The following JADE1 variants were observed in gnomAD, a reference collection of about 807,000 sequenced individuals.
The protein encoded by JADE1 is jade family PHD finger 1, also known as protein Jade-1.
JADE1 carries 14 observed loss-of-function variants against 81.8 expected under a neutral mutation model. That is an observed-to-expected ratio of 0.17 (90% CI 0.11 to 0.27). The LOEUF (loss-of-function observed/expected upper bound fraction) is 0.27, where lower values mean the gene tolerates loss of function less well. JADE1 is among the 10% of genes least tolerant of loss of function. The pLI, the probability that JADE1 is intolerant of heterozygous loss-of-function variation, is 1.00. For synonymous variants in JADE1, 353 were observed against 391.9 expected (o/e 0.90, Z 1.17); for missense variants, 690 against 1,047.9 (o/e 0.66, Z 4.71).
intron 9 of JADE1, chr4:128,864,398 G>T (rs1259125538): frequency 2.1e-6 from 2 of 956,286 alleles, no homozygotes; most frequent in Non-Finnish European, 2.5e-6. Flanking sequence ...TACCTGTCTT[G>T]GCCTCCCAGA....
chr4:128,860,802 C>G (rs1261722643), intron 8 of JADE1, among the ~76,000 whole-genome samples: 1 of 152,178 alleles, frequency 6.6e-6, no homozygotes, highest in African/African-American at 2.4e-5. Context: ...CTGGCCTCTA[C>G]GTTGACCTCC....
chr4:128,831,948 C>A, intron 2 of JADE1, 138 bp downstream of exon 2: 1 of 761,416 alleles, frequency 1.3e-6, no homozygotes, highest in Non-Finnish European at 2.3e-6. Flanking sequence ...CCTGGAGAAA[C>A]GTACCTGAGT....
intron 1 of JADE1, among the ~76,000 whole-genome samples, chr4:128,816,842 T>G (rs1258041210): frequency 1.3e-5 from 2 of 152,172 alleles, no homozygotes; most frequent in African/African-American, 2.4e-5. Context: ...TAGATTTTTT[T>G]GGGCTTACTT....
intron 9 of JADE1, chr4:128,864,183 T>G: frequency 2.1e-6 from 2 of 933,104 alleles, no homozygotes; most frequent in Non-Finnish European, 2.6e-6. Context: ...AGTCTCACTT[T>G]GTTGCCCAGG....
At chr4:128,819,619 G>T (rs1468134195) in intron 1 of JADE1, among the ~76,000 whole-genome samples, 1 of 152,186 alleles carries the variant, frequency 6.6e-6, no homozygotes, top group Non-Finnish European at 1.5e-5. Context: ...TACTCCTGTG[G>T]TAGTGTTTAA....
intron 7 of JADE1, 76 bp downstream of exon 7, chr4:128,855,873 C>T: frequency 7.5e-7 from 1 of 1,339,316 alleles, no homozygotes; most frequent in Non-Finnish European, 1.0e-6. Context: ...GGCTGGAGTG[C>T]AGTGAGCTGG....
chr4:128,812,250 C>G (rs1004818698), intron 1 of JADE1, among the ~76,000 whole-genome samples: 4 of 151,964 alleles, frequency 2.6e-5, no homozygotes, highest in African/African-American at 9.7e-5. Flanking sequence ...GGCGGAGGTG[C>G]CGGGAGTTAC....
At chr4:128,820,335 C>T (rs772509312) in intron 1 of JADE1, among the ~76,000 whole-genome samples, 70 of 152,160 alleles carry the variant, frequency 4.6e-4, no homozygotes, top group Admixed American at 1.6e-3. Flanking sequence ...TGGTCTTGAA[C>T]TCCTGACCTC....
intron 3 of JADE1, among the ~76,000 whole-genome samples, chr4:128,843,484 T>G (rs1046160718): frequency 6.6e-6 from 1 of 152,168 alleles, no homozygotes; most frequent in African/African-American, 2.4e-5. Flanking sequence ...GACTTTTGTT[T>G]AGGGGATTAT....
At chr4:128,870,331 C>G (rs1005936341) in intron 10 of JADE1, among the ~76,000 whole-genome samples, 1 of 151,896 alleles carries the variant, frequency 6.6e-6, no homozygotes, top group Non-Finnish European at 1.5e-5. Context: ...CTGGTGAGCA[C>G]TAGGTTCTCA....
At position 128,871,384 on chromosome 4, in the gene JADE1, C is replaced by A. The variant is rs375282369; in HGVS notation, c.1651C>A (p.Leu551Met). 1.9e-6 allele frequency: 3 copies of A among 1,613,820 alleles called. No individual in the cohort carries two copies. Among genetic ancestry groups the A allele is most frequent in the Non-Finnish European group, 2.5e-6 (3 of 1,179,718 alleles). ...GCCTTCTTCCTGCTCCTCCTCCTCACTGGAAAACATGCTTTTGTTTAACAG... is the reference window on the plus strand; with the variant it reads ...GCCTTCTTCCTGCTCCTCCTCCTCAATGGAAAACATGCTTTTGTTTAACAG... ...GVPSSCSSSSLENMLLFNSPS... is the reference protein window; with the variant it reads ...GVPSSCSSSSMENMLLFNSPS... Residue 551 changes from leucine to methionine, a missense_variant, in exon 11 of 11, where the codon CTG (leucine) becomes ATG (methionine). Leu to Met is a conservative substitution (Grantham distance 15). Coordinates refer to ENST00000226319, the MANE Select transcript of JADE1 (RefSeq NM_199320.4). The surrounding 1 kb of genome is among the most constrained non-coding windows in gnomAD (Gnocchi z 4.1).
chr4:128,852,446 A>G (rs773667806), intron 6 of JADE1, among the ~76,000 whole-genome samples, 178 bp downstream of exon 6: 11 of 152,232 alleles, frequency 7.2e-5, no homozygotes, highest in Admixed American at 2.0e-4. Flanking sequence ...TGATTGAAAT[A>G]TATCCTCTGC....
At chr4:128,829,500 A>G (rs886903414) in intron 1 of JADE1, among the ~76,000 whole-genome samples, 6 of 152,230 alleles carry the variant, frequency 3.9e-5, no homozygotes, top group Non-Finnish European at 8.8e-5. Context: ...GGACCTAAAT[A>G]TTTGGATGAA....
chr4:128,825,012 AT>A (rs1727918694), intron 1 of JADE1, among the ~76,000 whole-genome samples: 1 of 152,144 alleles, frequency 6.6e-6, no homozygotes, highest in South Asian at 2.1e-4. Context: ...TTGAATAAAC[AT>A]CCTCAAATTC....
intron 9 of JADE1, among the ~76,000 whole-genome samples, chr4:128,865,580 C>T (rs573489911): frequency 4.6e-5 from 7 of 152,162 alleles, no homozygotes; most frequent in East Asian, 1.9e-4. Context: ...GGTTGCTGAG[C>T]GTTGTCCTAT....
At position 128,872,166 on chromosome 4, in the gene JADE1, C is replaced by T; in HGVS notation, c.2433C>T (p.Asp811=). 6.2e-7 allele frequency: 1 copy of T among 1,614,152 alleles called. No individual in the cohort carries two copies. Among genetic ancestry groups the T allele is most frequent in the East Asian group, 2.2e-5 (1 of 44,850 alleles). ...ATGTCCCCGATGTGGAAATGAGTGA[C>T]TCAGAGAGTGAGGCATCAGAAAAGA... ...DGYVPDVEMS[D]SESEASEKKC... is the part of the protein sequence containing the mutation. The change falls in exon 11 of 11, where the codon GAC becomes GAT. Residue 811 remains aspartate (D), a synonymous_variant. Coordinates refer to ENST00000226319, the MANE Select transcript of JADE1 (RefSeq NM_199320.4).
At chr4:128,864,035 C>A (rs901836969) in intron 9 of JADE1, 1 of 985,030 alleles carries the variant, frequency 1.0e-6, no homozygotes, top group Non-Finnish European at 1.2e-6. Context: ...TAGAACAATG[C>A]CAACGATGTA....
intron 1 of JADE1, 95 bp from the exon 2 acceptor site, chr4:128,831,628 ATTTGTTTGCT>A (rs1489619845): frequency 4.4e-6 from 4 of 903,780 alleles, no homozygotes; most frequent in Admixed American, 2.0e-5. Context: ...ACTTAAAGCC[ATTTGTTTGCT>A]TTTGTTTGCT....
Position 128,871,776 on chromosome 4 carries a change from T to A in JADE1, c.2043T>A (p.Ser681Arg), listed in dbSNP as rs1185416728. 1.2e-6 allele frequency: 2 copies of A among 1,613,880 alleles called. No homozygotes were observed. Among genetic ancestry groups the A allele is most frequent in the African/African-American group, 1.3e-5 (1 of 74,882 alleles). The change falls in exon 11 of 11, where the codon AGT becomes AGA. Residue 681 changes from serine to arginine, a missense_variant. Ser to Arg is a moderately radical substitution (Grantham distance 110, BLOSUM62 -1). This residue lies in a region of JADE1 where 218 missense variants were observed against 274.3 expected (regional missense o/e 0.79). Transcript: ENST00000226319. This position sits in a 1 kb window ranked among gnomAD's most constrained non-coding sequence, Gnocchi z 4.1. Reference protein sequence around the residue: ...GDLKDKSFKQSHKPLRSTDVS... With the variant: ...GDLKDKSFKQRHKPLRSTDVS... ...TAAAGGACAAATCTTTTAAACAGAG[T>A]CACAAGCCTCTCAGGTCCACAGATG...
Sources: allele counts gnomAD v4.1 joint callset (sites outside exome capture counted in the v4.1 genomes callset), GRCh38; gene constraint gnomAD v4.1.1; regional missense constraint gnomAD v4.1.1; non-coding constraint Gnocchi (gnomAD v3.1); transcripts MANE v1.5; gene names NCBI Gene and HGNC (gene_info 2026-07-23, HGNC 2026-07-21).